CNTNAP2: variants seen among roughly 807,000 people sequenced by gnomAD.
CNTNAP2 encodes contactin associated protein 2.
CNTNAP2 carries 98 observed loss-of-function variants against 155.2 expected under a neutral mutation model. The observed-to-expected ratio is 0.63, with a 90% CI of 0.54 to 0.75. The LOEUF is 0.75. Ranked by LOEUF, CNTNAP2 falls within the 30% of genes least tolerant of loss-of-function variation. CNTNAP2 has a pLI of 0.00. For missense variants in CNTNAP2, 1,727 were observed against 1,688.1 expected (o/e 1.02, Z -0.40); for synonymous variants, 651 against 631.2 (o/e 1.03, Z -0.47).
chr7:147,716,512 G>A (rs541237414), intron 13 of CNTNAP2, among the ~76,000 whole-genome samples: 10 of 152,178 alleles, frequency 6.6e-5, no homozygotes, highest in South Asian at 2.1e-4. Flanking sequence ...TTATGCAGGC[G>A]AGTTCTCTGC....
chr7:148,167,709 G>T (rs189916051), intron 17 of CNTNAP2, among the ~76,000 whole-genome samples: 8 of 152,116 alleles, frequency 5.3e-5, no homozygotes, highest in Non-Finnish European at 1.0e-4. Flanking sequence ...GGAAACCGAC[G>T]CTGAGAGAGA....
At chr7:147,183,599 T>C (rs576173756) in intron 8 of CNTNAP2, among the ~76,000 whole-genome samples, 1 of 151,998 alleles carries the variant, frequency 6.6e-6, no homozygotes, top group African/African-American at 2.4e-5. Flanking sequence ...ACAAGTTGAG[T>C]GAAAAATTAA....
chr7:148,219,989 G>A (rs1795715528), intron 19 of CNTNAP2, among the ~76,000 whole-genome samples: 1 of 152,210 alleles, frequency 6.6e-6, no homozygotes, highest in Non-Finnish European at 1.5e-5. Context: ...GAAATGCACT[G>A]TTGCTTAAAA....
At chr7:147,396,182 C>CATATAT (rs58129350) in intron 10 of CNTNAP2, among the ~76,000 whole-genome samples, 4 of 145,450 alleles carry the variant, frequency 2.8e-5, no homozygotes, top group Admixed American at 7.0e-5. Context: ...ATATATATAG[C>CATATAT]ATATATATAT....
At chr7:148,066,968 T>C (rs368811772) in intron 15 of CNTNAP2, among the ~76,000 whole-genome samples, 1 of 152,226 alleles carries the variant, frequency 6.6e-6, no homozygotes, top group Admixed American at 6.5e-5. Flanking sequence ...CTTTTATTTA[T>C]GTTATGTATT....
chr7:147,368,833 T>C (rs1796290647), intron 9 of CNTNAP2, among the ~76,000 whole-genome samples: 2 of 152,232 alleles, frequency 1.3e-5, no homozygotes, highest in South Asian at 4.1e-4. Flanking sequence ...ACTCATTCAG[T>C]GTAATTAAAA....
Position 146,998,370 on chromosome 7 carries a change from T to C in CNTNAP2, c.403-45537T>C, listed in dbSNP as rs551230291. Among the ~76,000 whole-genome samples the C allele has an allele frequency of 2.1e-4, 32 of 152,178 alleles. 1 individual carries two copies. The highest frequency in any genetic ancestry group is 8.8e-5 in the Non-Finnish European group (6 of 67,958). On this transcript the variant is annotated intron_variant, in intron 3 of 23. Transcript: ENST00000361727. ...TCCCCCTGTTATTGATTTCTAGTTT[T>C]ATGTCACTGTGGTCTGAAAAGATAC...
chr7:146,707,026 G>A (rs547185406), intron 1 of CNTNAP2, among the ~76,000 whole-genome samples: 9 of 152,076 alleles, frequency 5.9e-5, no homozygotes, highest in Non-Finnish European at 1.0e-4. Context: ...ATGCACTTTG[G>A]CAGTGAAAAT....
At chr7:148,059,437 C>A (rs958456134) in intron 15 of CNTNAP2, among the ~76,000 whole-genome samples, 1 of 151,700 alleles carries the variant, frequency 6.6e-6, no homozygotes, top group Admixed American at 6.6e-5. Flanking sequence ...ACTAAAAATA[C>A]AAAATTATCC....
At chr7:146,808,521 T>A (rs1803008490) in intron 2 of CNTNAP2, among the ~76,000 whole-genome samples, 1 of 152,192 alleles carries the variant, frequency 6.6e-6, no homozygotes, top group Admixed American at 6.5e-5. Context: ...TTTTAAAAAT[T>A]TTTAAATATG....
chr7:147,824,565 A>G (rs1173314959), intron 13 of CNTNAP2, among the ~76,000 whole-genome samples: 1 of 152,154 alleles, frequency 6.6e-6, no homozygotes, highest in East Asian at 1.9e-4. Context: ...GCATGTCTGT[A>G]TCGCCAATAT....
rs549998879 is a variant in CNTNAP2, at chr7:147,469,458, A to G, written c.1671-16477A>G. On this transcript the variant is annotated intron_variant, in intron 10 of 23. Coordinates refer to ENST00000361727, the MANE Select transcript of CNTNAP2 (RefSeq NM_014141.6). ...GCCTTCACTGCATTTTAGCAGAGGG[A>G]GTAAAACAAAGAAACGGCAGGGCAG... Among the ~76,000 whole-genome samples the G allele has an allele frequency of 5.3e-5, 8 of 150,146 alleles. No individual in the cohort carries two copies. The East Asian group carries it at 1.6e-3, about 30-fold the overall frequency.
intron 3 of CNTNAP2, among the ~76,000 whole-genome samples, chr7:147,037,216 C>A (rs1297056326): frequency 6.6e-6 from 1 of 151,496 alleles, no homozygotes. Context: ...AATAAATAGA[C>A]CAGATATCAA....
chr7:146,317,763 A>G (rs150191429), intron 1 of CNTNAP2, among the ~76,000 whole-genome samples: 2 of 152,252 alleles, frequency 1.3e-5, no homozygotes, highest in African/African-American at 4.8e-5. Flanking sequence ...AACATTACAC[A>G]TGTCATCTTT....
At chr7:148,332,434 C>T (rs929257219) in intron 21 of CNTNAP2, among the ~76,000 whole-genome samples, 13 of 152,162 alleles carry the variant, frequency 8.5e-5, no homozygotes, top group African/African-American at 3.1e-4. Flanking sequence ...GAGAAAGGAT[C>T]TTGGGCTTGG....
At chr7:147,208,221 GTC>G (rs1038805126) in intron 8 of CNTNAP2, among the ~76,000 whole-genome samples, 26 of 151,988 alleles carry the variant, frequency 1.7e-4, no homozygotes, top group African/African-American at 5.5e-4. Context: ...TGTTTTCCAG[GTC>G]TCTCTCTCCT....
chr7:147,577,266 C>T (rs1800412780), intron 12 of CNTNAP2, among the ~76,000 whole-genome samples: 1 of 152,022 alleles, frequency 6.6e-6, no homozygotes, highest in Admixed American at 6.6e-5. Context: ...CATTAGTTTT[C>T]TTTACATTTT....
At chr7:148,234,967 A>G (rs936644944) in intron 20 of CNTNAP2, among the ~76,000 whole-genome samples, 1 of 152,222 alleles carries the variant, frequency 6.6e-6, no homozygotes, top group Admixed American at 6.5e-5. Context: ...GGGCCATCTT[A>G]TCTTTGCCAA....
At chr7:147,518,876 C>T (rs1303749500) in intron 11 of CNTNAP2, among the ~76,000 whole-genome samples, 1 of 151,840 alleles carries the variant, frequency 6.6e-6, no homozygotes, top group Non-Finnish European at 1.5e-5. Flanking sequence ...ACTAAAAATA[C>T]AAAAATTAGC....
Sources: gnomAD v4.1 joint callset for allele counts (sites outside exome capture counted in the v4.1 genomes callset) on GRCh38, gnomAD v4.1.1 for gene constraint, MANE v1.5 for transcripts, NCBI Gene and HGNC (gene_info 2026-07-23, HGNC 2026-07-21) for gene names.